Variants in ARHGAP24 observed in about 807,000 individuals in gnomAD.
ARHGAP24 encodes the protein rho GTPase-activating protein 24.
A neutral mutation model predicts 76.4 loss-of-function variants in ARHGAP24; 50 were observed. The ratio of observed to expected loss-of-function variants is 0.65; its 90% CI spans 0.52 to 0.83. ARHGAP24 has a LOEUF of 0.83. ARHGAP24 is among the 40% of genes least tolerant of loss of function. The pLI, the probability that ARHGAP24 is intolerant of heterozygous loss-of-function variation, is 0.00. For missense variants in ARHGAP24, 930 were observed against 914.2 expected (o/e 1.02, Z -0.22); for synonymous variants, 345 against 323.3 (o/e 1.07, Z -0.72).
intron 3 of ARHGAP24, among the ~76,000 whole-genome samples, chr4:85,804,334 C>T (rs1354971023): frequency 6.6e-6 from 1 of 152,142 alleles, no homozygotes; most frequent in African/African-American, 2.4e-5. Flanking sequence ...ATCTTTACAA[C>T]AGGTACTGTA....
intron 3 of ARHGAP24, among the ~76,000 whole-genome samples, chr4:85,874,786 A>C (rs6813742): frequency 1.1e-4 from 2 of 18,622 alleles, no homozygotes; most frequent in East Asian, 0.021. Flanking sequence ...AAATATATTT[A>C]TATATAATTT....
At chr4:85,781,475 C>A (rs1578220868) in intron 3 of ARHGAP24, among the ~76,000 whole-genome samples, 1 of 152,076 alleles carries the variant, frequency 6.6e-6, no homozygotes, top group African/African-American at 2.4e-5. Flanking sequence ...TATGTTTCAA[C>A]TTTAATTAGA....
At chr4:85,734,076 T>C (rs1312893000) in intron 3 of ARHGAP24, among the ~76,000 whole-genome samples, 2 of 152,168 alleles carry the variant, frequency 1.3e-5, no homozygotes, top group Non-Finnish European at 2.9e-5. Context: ...TGCTATATGT[T>C]CACCACACTA....
intron 3 of ARHGAP24, among the ~76,000 whole-genome samples, chr4:85,833,839 A>T (rs879931861): frequency 4.5e-4 from 69 of 152,352 alleles, no homozygotes; most frequent in Admixed American, 5.2e-4. Context: ...TTATAAGCTC[A>T]CTAGAAGTCA....
chr4:85,826,916 A>G (rs1286941957), intron 3 of ARHGAP24, among the ~76,000 whole-genome samples: 3 of 152,252 alleles, frequency 2.0e-5, no homozygotes, highest in African/African-American at 7.2e-5. Flanking sequence ...TAAAAAATAT[A>G]TACAACTAAG....
At position 85,560,757 on chromosome 4, in the gene ARHGAP24, A is replaced by G. The variant is rs145543693; in HGVS notation, c.-20-9765A>G. On this transcript the variant is annotated intron_variant, in intron 1 of 9. Transcript: ENST00000395184. Reference sequence around the variant, plus strand: ...CAAATCATGATTAAGAGTAGCATCCAGTGAGACAAATGGCAATCCACTTGG... The same window carrying G: ...CAAATCATGATTAAGAGTAGCATCCGGTGAGACAAATGGCAATCCACTTGG... Among the ~76,000 whole-genome samples the G allele has an allele frequency of 1.2e-3, 178 of 152,340 alleles. 1 individual carries two copies. Among genetic ancestry groups the G allele is most frequent in the Non-Finnish European group, 1.5e-3 (105 of 68,030 alleles).
intron 4 of ARHGAP24, among the ~76,000 whole-genome samples, chr4:85,931,963 A>G (rs1736359739): frequency 1.3e-5 from 2 of 151,976 alleles, no homozygotes; most frequent in Admixed American, 1.3e-4. Context: ...GCCACCCATT[A>G]ATTAATCTTC....
intron 1 of ARHGAP24, among the ~76,000 whole-genome samples, chr4:85,491,052 A>G (rs1364437447): frequency 1.3e-5 from 2 of 151,988 alleles, no homozygotes; most frequent in Admixed American, 1.3e-4. Flanking sequence ...CTTTTTTTCC[A>G]CCTGCAATTG....
chr4:85,970,617 A>G (rs1738914523), intron 5 of ARHGAP24, among the ~76,000 whole-genome samples: 1 of 152,084 alleles, frequency 6.6e-6, no homozygotes, highest in Non-Finnish European at 1.5e-5. Context: ...AGCTCATATA[A>G]TTTCATACAG....
chr4:85,600,128 G>A (rs193115763), intron 2 of ARHGAP24, among the ~76,000 whole-genome samples: 1 of 152,282 alleles, frequency 6.6e-6, no homozygotes, highest in African/African-American at 2.4e-5. Flanking sequence ...TCCAGGGTGA[G>A]AGGAGGGAAC....
intron 3 of ARHGAP24, among the ~76,000 whole-genome samples, chr4:85,874,970 TA>T (rs1294717653): frequency 8.3e-6 from 1 of 120,314 alleles, no homozygotes; most frequent in Non-Finnish European, 1.6e-5. Flanking sequence ...TATATAAATA[TA>T]TTTTTATATA....
At chr4:85,790,743 T>C (rs1317653459) in intron 3 of ARHGAP24, among the ~76,000 whole-genome samples, 1 of 152,206 alleles carries the variant, frequency 6.6e-6, no homozygotes. Flanking sequence ...TCAAGTTTGA[T>C]GTAGTATAAA....
At chr4:85,967,501 G>A (rs771245649) in intron 5 of ARHGAP24, among the ~76,000 whole-genome samples, 5 of 152,008 alleles carry the variant, frequency 3.3e-5, no homozygotes, top group Admixed American at 6.6e-5. Flanking sequence ...TTGTAAAAAA[G>A]CAATAACCAG....
At chr4:85,988,207 T>G (rs1182641164) in intron 8 of ARHGAP24, among the ~76,000 whole-genome samples, 4 of 151,744 alleles carry the variant, frequency 2.6e-5, no homozygotes, top group Non-Finnish European at 5.9e-5. Context: ...GGAATATGAG[T>G]CCAGATAGAC....
intron 5 of ARHGAP24, among the ~76,000 whole-genome samples, chr4:85,946,278 C>T (rs1208923845): frequency 6.6e-6 from 1 of 152,098 alleles, no homozygotes; most frequent in Non-Finnish European, 1.5e-5. Flanking sequence ...TTAAGGTTTT[C>T]TTTTTATTTA....
At chr4:85,847,005 C>G (rs1730932083) in intron 3 of ARHGAP24, among the ~76,000 whole-genome samples, 1 of 152,104 alleles carries the variant, frequency 6.6e-6, no homozygotes, top group African/African-American at 2.4e-5. Flanking sequence ...CCAACTGGTT[C>G]TATAAACAAA....
chr4:85,813,546 A>C (rs1317571194), intron 3 of ARHGAP24, among the ~76,000 whole-genome samples: 2 of 152,124 alleles, frequency 1.3e-5, no homozygotes, highest in African/African-American at 4.8e-5. Context: ...TTTCATATGT[A>C]TGAGTTACAG....
chr4:85,948,144 T>C (rs1195402937), intron 5 of ARHGAP24, among the ~76,000 whole-genome samples: 2 of 152,176 alleles, frequency 1.3e-5, no homozygotes, highest in Non-Finnish European at 2.9e-5. Flanking sequence ...TTACATCTCT[T>C]ATTACATCTC....
At chr4:85,891,010 G>T (rs1733858822) in intron 3 of ARHGAP24, among the ~76,000 whole-genome samples, 1 of 151,956 alleles carries the variant, frequency 6.6e-6, no homozygotes, top group Admixed American at 6.6e-5. Context: ...TTAGAGACGG[G>T]GTAACCATGA....
Sources: gnomAD v4.1 joint callset for allele counts (sites outside exome capture counted in the v4.1 genomes callset) on GRCh38, gnomAD v4.1.1 for gene constraint, MANE v1.5 for transcripts, NCBI Gene and HGNC (gene_info 2026-07-23, HGNC 2026-07-21) for gene names.